The following ALLC variants were observed in gnomAD, a reference collection of about 807,000 sequenced individuals.
The protein encoded by ALLC is probable inactive allantoicase.
ALLC carries 40 observed loss-of-function variants against 45.0 expected under a neutral mutation model. The observed-to-expected ratio is 0.89, with a 90% CI of 0.69 to 1.16. The LOEUF is 1.16. Among genes scored for constraint, ALLC ranks in the 50% most tolerant of loss-of-function variants. The probability of loss-of-function intolerance (pLI) is 0.00; values close to 1 mark genes in which losing one functional copy is unlikely to be tolerated. For synonymous variants in ALLC, 176 were observed against 178.1 expected (o/e 0.99, Z 0.09); for missense variants, 488 against 493.1 (o/e 0.99, Z 0.10).
chr2:3,671,117 A>G lies in ALLC; in HGVS notation c.-41A>G. ...CCAGGAAGCACGGCTGATGCTCCGA[A>G]GGAGGGAAGACTGACCCGGTTTCTG... On this transcript the variant is annotated 5_prime_UTR_variant, in exon 2 of 12. Transcript: ENST00000252505. 6.2e-7 allele frequency: 1 copy of G among 1,603,724 alleles called. No individual in the cohort carries two copies. The highest frequency in any genetic ancestry group is 8.5e-7 in the Non-Finnish European group (1 of 1,175,220).
At chr2:3,691,431 TG>T (rs923871929) in intron 7 of ALLC, among the ~76,000 whole-genome samples, 2 of 151,898 alleles carry the variant, frequency 1.3e-5, no homozygotes, top group African/African-American at 4.8e-5. Context: ...TTTTTGTATT[TG>T]TTTTTTTTTT....
the ALLC span, among the ~76,000 whole-genome samples, chr2:3,646,986 C>G: frequency 6.6e-6 from 1 of 152,010 alleles, no homozygotes; most frequent in Non-Finnish European, 1.5e-5. Context: ...CCTCAGTGGT[C>G]CCCACTTCTG....
At chr2:3,681,342 A>G (rs1667172669) in intron 5 of ALLC, among the ~76,000 whole-genome samples, 1 of 152,144 alleles carries the variant, frequency 6.6e-6, no homozygotes, top group African/African-American at 2.4e-5. Flanking sequence ...CAACTTTGAA[A>G]ACTCTAGCGA....
intron 1 of ALLC, among the ~76,000 whole-genome samples, chr2:3,664,624 C>T (rs1475234242): frequency 6.6e-6 from 1 of 152,114 alleles, no homozygotes; most frequent in Non-Finnish European, 1.5e-5. Flanking sequence ...TGACTCATGC[C>T]TGTAATCCCA....
At chr2:3,683,942 A>C (rs1572521819) in intron 7 of ALLC, among the ~76,000 whole-genome samples, 4 of 152,338 alleles carry the variant, frequency 2.6e-5, no homozygotes, top group African/African-American at 9.6e-5. Context: ...TCTGGTCTCA[A>C]GCATTTCAGA....
intron 1 of ALLC, among the ~76,000 whole-genome samples, chr2:3,658,612 A>G (rs905008434): frequency 2.0e-5 from 3 of 152,124 alleles, no homozygotes; most frequent in Non-Finnish European, 2.9e-5. Flanking sequence ...TCATGCCTGT[A>G]ATCCCTGTAC....
chr2:3,678,386 A>G, intron 3 of ALLC, 82 bp from the exon 4 acceptor site: 1 of 1,202,824 alleles, frequency 8.3e-7, no homozygotes, highest in Non-Finnish European at 1.2e-6. Context: ...TTCCTCTGGC[A>G]CTGTGGGACA....
intron 1 of ALLC, among the ~76,000 whole-genome samples, chr2:3,658,867 A>G (rs1243362558): frequency 1.6e-5 from 2 of 128,698 alleles, no homozygotes; most frequent in Non-Finnish European, 3.1e-5. Flanking sequence ...ACAGAGTGAG[A>G]CCCTGTCTCA....
intron 10 of ALLC, among the ~76,000 whole-genome samples, chr2:3,700,611 A>G (rs1345548629): frequency 6.6e-6 from 1 of 152,228 alleles, no homozygotes; most frequent in Non-Finnish European, 1.5e-5. Flanking sequence ...ATGAGGGAGC[A>G]TGGCAGTATC....
the ALLC span, among the ~76,000 whole-genome samples, chr2:3,651,943 C>A: frequency 6.6e-6 from 1 of 152,226 alleles, no homozygotes; most frequent in East Asian, 1.9e-4. Context: ...CCATCAGGGT[C>A]TGTGGCCGGT....
intron 7 of ALLC, chr2:3,695,343 T>G: frequency 4.4e-6 from 1 of 228,828 alleles, no homozygotes; most frequent in Non-Finnish European, 8.6e-6. Flanking sequence ...AAAGATAATT[T>G]CAGGCTGTGA....
chr2:3,665,813 C>T (rs939385552), intron 1 of ALLC, among the ~76,000 whole-genome samples: 67 of 152,172 alleles, frequency 4.4e-4, no homozygotes, highest in African/African-American at 1.6e-3. Flanking sequence ...ATTTATATTC[C>T]TTTGGGTATA....
chr2:3,661,068 G>C (rs923375593), intron 1 of ALLC, among the ~76,000 whole-genome samples: 1 of 152,088 alleles, frequency 6.6e-6, no homozygotes, highest in Non-Finnish European at 1.5e-5. Flanking sequence ...CATAGGCCTG[G>C]GGTCGGACTC....
At position 3,673,275 on chromosome 2, in the gene ALLC, A is replaced by G. The variant is rs529372096; in HGVS notation, c.34-800A>G. Among the ~76,000 whole-genome samples, 4 of 152,208 alleles carry G rather than the reference A, an allele frequency of 2.6e-5. No individual in the cohort carries two copies. The East Asian group carries it at 7.7e-4, about 29-fold the overall frequency. On this transcript the variant is annotated intron_variant, in intron 2 of 11. Transcript: ENST00000252505. ...AGTCTGGAGAGGTAGGAGAGGCCCC[A>G]TGTGCCCTGTGAAGCCTTCTGCTGA...
At chr2:3,683,880 C>G (rs1391542135) in intron 7 of ALLC, among the ~76,000 whole-genome samples, 1 of 152,176 alleles carries the variant, frequency 6.6e-6, no homozygotes, top group Non-Finnish European at 1.5e-5. Flanking sequence ...ATTTGGGACA[C>G]TCTACCAGTA....
intron 2 of ALLC, among the ~76,000 whole-genome samples, chr2:3,673,500 C>T (rs913298025): frequency 2.0e-5 from 3 of 152,248 alleles, no homozygotes; most frequent in African/African-American, 4.8e-5. Flanking sequence ...AGGGTGCCCT[C>T]CAGGCTGCAG....
chr2:3,701,956 T>C (rs11682163), intron 11 of ALLC, among the ~76,000 whole-genome samples: 73,819 of 151,974 alleles, frequency 0.49, 19,018 homozygotes, highest in African/African-American at 0.67. Context: ...GCAGGATGGA[T>C]GCTCTGAGAT....
At chr2:3,679,331 C>T (rs1264026548) in intron 4 of ALLC, among the ~76,000 whole-genome samples, 1 of 152,192 alleles carries the variant, frequency 6.6e-6, no homozygotes, top group Non-Finnish European at 1.5e-5. Context: ...TTGGTAGATG[C>T]AGGCAGGTGT....
In ALLC at chr2:3,679,920, T is replaced by TA; in HGVS notation, c.224_225insA (p.Phe75LeufsTer27). 1.2e-6 allele frequency: 2 copies of TA among 1,614,004 alleles called. No individual in the cohort carries two copies. The highest frequency in any genetic ancestry group is 2.2e-5 in the South Asian group (2 of 91,074). The stretch of plus-strand genomic sequence containing the variant: ...GGGATCCAAGGAGTCATCCGGGGCT[T>TA]CGACGTGGACGTTTCTTACTTCACG... On this transcript the variant is annotated frameshift_variant, in exon 5 of 12. Coordinates refer to ENST00000252505, the MANE Select transcript of ALLC (RefSeq NM_018436.4). LOFTEE classifies it high-confidence loss of function.
Sources: allele counts gnomAD v4.1 joint callset (sites outside exome capture counted in the v4.1 genomes callset), GRCh38; gene constraint gnomAD v4.1.1; transcripts MANE v1.5; gene names NCBI Gene and HGNC (gene_info 2026-07-23, HGNC 2026-07-21).